ARL2BP: variants seen among roughly 807,000 people sequenced by gnomAD.
ARL2BP encodes ADP-ribosylation factor-like protein 2-binding protein.
ARL2BP carries 19 observed loss-of-function variants against 24.2 expected under a neutral mutation model. The ratio of observed to expected loss-of-function variants is 0.79; its 90% CI spans 0.55 to 1.15. ARL2BP has a LOEUF of 1.15. Among genes scored for constraint, ARL2BP ranks in the 50% most tolerant of loss-of-function variants. The pLI is 0.00. For missense variants in ARL2BP, 160 were observed against 190.4 expected, an observed-to-expected ratio of 0.84 and a Z score of 0.94; for synonymous variants, 56 against 70.5, an observed-to-expected ratio of 0.79 and a Z score of 1.03.
intron 2 of ARL2BP, 181 bp from the exon 3 acceptor site, chr16:57,248,355 AC>A: frequency 2.8e-6 from 1 of 358,144 alleles, no homozygotes; most frequent in Admixed American, 4.8e-5. Flanking sequence ...GAAAAAGAAA[AC>A]AGGAGGATTG....
In ARL2BP at chr16:57,245,496, GGGGCCGGGCC is replaced by G. The variant is rs536362342; in HGVS notation, c.38+106_38+115del. 1,270 of 1,514,536 alleles carry G rather than the reference GGGGCCGGGCC, an allele frequency of 8.4e-4. 13 individuals carry two copies. In the African/African-American group the frequency reaches 0.014, roughly 16 times the overall value. 93.8% of individuals were successfully genotyped at this position (1,514,536 alleles called of 1,614,324 possible). On this transcript the variant is annotated intron_variant, in intron 1 of 5. Coordinates refer to ENST00000219204, the MANE Select transcript of ARL2BP (RefSeq NM_012106.4). ...TGACCCTATAAAACAGGTGTCCTTA[GGGGCCGGGCC>G]GGGCCGGGCCGGGCAGGGTGGGGGC...
At position 57,249,616 on chromosome 16, in the gene ARL2BP, T is replaced by C. The variant is rs1265827735; in HGVS notation, c.208-151T>C. ...GAGTACTTCTCCAGGACAGGAGCTGTGTTTTGGTCCTCTTTGGTATCCTTG... is the reference window on the plus strand; with the variant it reads ...GAGTACTTCTCCAGGACAGGAGCTGCGTTTTGGTCCTCTTTGGTATCCTTG... On this transcript the variant is annotated intron_variant, in intron 3 of 5. Coordinates refer to ENST00000219204, the MANE Select transcript of ARL2BP (RefSeq NM_012106.4). 9 of 638,364 alleles carry C rather than the reference T, an allele frequency of 1.4e-5. No homozygotes were observed. The East Asian group carries it at 2.1e-4, about 15-fold the overall frequency. 39.5% of individuals were successfully genotyped at this position (638,364 alleles called of 1,614,324 possible).
intron 5 of ARL2BP, chr16:57,251,901 G>A (rs2075409360): frequency 2.8e-6 from 1 of 363,426 alleles, no homozygotes; most frequent in East Asian, 5.5e-5. Context: ...GGAATTCCAG[G>A]CAGCAGTTAG....
In ARL2BP at chr16:57,248,613, A is replaced by G; in HGVS notation, c.177A>G (p.Lys59=). The G allele has an allele frequency of 6.9e-6, 11 of 1,593,676 alleles. No homozygotes were observed. The highest frequency in any genetic ancestry group is 8.6e-6 in the Non-Finnish European group (10 of 1,169,334). Residue 59 remains lysine (K), a synonymous_variant, in exon 3 of 6, where the codon AAA becomes AAG. Coordinates refer to ENST00000219204, the MANE Select transcript of ARL2BP (RefSeq NM_012106.4). ...YLEFEDTEEN[K]LIYTPIFNEY... ...AGTTTGAAGACACAGAAGAGAATAA[A>G]CTCATCTACACACCTATTTTTAATG...
chr16:57,249,970 T>C (rs2075402386), intron 4 of ARL2BP, 118 bp downstream of exon 4: 12 of 890,326 alleles, frequency 1.3e-5, no homozygotes, highest in Non-Finnish European at 2.2e-5. Flanking sequence ...GGTGGTTAGG[T>C]CCTATGGAGG....
chr16:57,249,323 A>C (rs1418666323), intron 3 of ARL2BP: 1 of 155,266 alleles, frequency 6.4e-6, no homozygotes, highest in Non-Finnish European at 1.4e-5. Context: ...CTGTCATCTA[A>C]GAATCCATTT....
rs1293111951 is a variant in ARL2BP at position 57,246,087 on chromosome 16, G to T, written c.46G>T (p.Ala16Ser). ...TCCAGGCATGTTTTTCAGCTCCTCC[G>T]CCTCTGATGCAGAATTTGATGCTGT... ...GESFALSFSSASDAEFDAVVG... is the reference protein window; with the variant it reads ...GESFALSFSSSSDAEFDAVVG... Residue 16 changes from alanine (A) to serine (S), a missense_variant, in exon 2 of 6, where the codon GCC (alanine) becomes TCC (serine). Coordinates refer to ENST00000219204, the MANE Select transcript of ARL2BP (RefSeq NM_012106.4). 10 of 1,613,750 alleles carry T rather than the reference G, an allele frequency of 6.2e-6. No homozygotes were observed. In the African/African-American group the frequency reaches 1.3e-4, roughly 22 times the overall value.
chr16:57,249,988 C>A, intron 4 of ARL2BP, 136 bp downstream of exon 4: 1 of 749,424 alleles, frequency 1.3e-6, no homozygotes, highest in Non-Finnish European at 2.3e-6. Flanking sequence ...AGGAAGCCCT[C>A]AAACCTTTTA....
chr16:57,251,762 C>T (rs1253376275), intron 5 of ARL2BP: 1 of 165,382 alleles, frequency 6.0e-6, no homozygotes, highest in Non-Finnish European at 1.3e-5. Flanking sequence ...GAGTTCAAGA[C>T]CAGCCTAAGT....
intron 3 of ARL2BP, chr16:57,249,190 A>T (rs1265628688): frequency 1.3e-5 from 2 of 153,228 alleles, no homozygotes; most frequent in African/African-American, 4.8e-5. Flanking sequence ...GTAAAAGTGA[A>T]AACTGAGACC....
chr16:57,246,845 T>G (rs1480901383), intron 2 of ARL2BP, among the ~76,000 whole-genome samples: 2 of 152,076 alleles, frequency 1.3e-5, no homozygotes, highest in African/African-American at 4.8e-5. Flanking sequence ...ACCATAACCA[T>G]AAGCACACAT....
At chr16:57,245,991 T>A in intron 1 of ARL2BP, 89 bp from the exon 2 acceptor site, 1 of 1,286,218 alleles carries the variant, frequency 7.8e-7, no homozygotes. Context: ...TACTCTTTTT[T>A]CTCTTGTGCA....
chr16:57,247,989 A>T (rs989666547), intron 2 of ARL2BP, among the ~76,000 whole-genome samples: 2 of 148,228 alleles, frequency 1.3e-5, no homozygotes, highest in African/African-American at 5.2e-5. Flanking sequence ...TTAAAATGAT[A>T]AAAAAAAATT....
At chr16:57,246,350 T>G (rs2075390413) in intron 2 of ARL2BP, 2 of 562,896 alleles carry the variant, frequency 3.6e-6, no homozygotes, top group Non-Finnish European at 6.3e-6. Flanking sequence ...AAGCATAGAT[T>G]CAGAGGCTGG....
At chr16:57,249,946 C>A in intron 4 of ARL2BP, 94 bp downstream of exon 4, 1 of 1,157,958 alleles carries the variant, frequency 8.6e-7, no homozygotes, top group Admixed American at 1.8e-5. Flanking sequence ...GTTTGTTTTC[C>A]TGTGCATGCC....
chr16:57,251,590 CA>C (rs112435742), intron 5 of ARL2BP: 1,395 of 105,124 alleles, frequency 0.013, 11 homozygotes, highest in African/African-American at 0.032. Flanking sequence ...ACCCCTATCT[CA>C]AAAAAAAAAA....
intron 2 of ARL2BP, 118 bp from the exon 3 acceptor site, chr16:57,248,419 C>T: frequency 2.0e-6 from 1 of 508,210 alleles, no homozygotes; most frequent in South Asian, 4.5e-5. Flanking sequence ...CATCAGCTTT[C>T]CTTCCAGAGA....
chr16:57,245,479 T>C, intron 1 of ARL2BP, 74 bp downstream of exon 1: 2 of 1,561,388 alleles, frequency 1.3e-6, no homozygotes, highest in South Asian at 2.3e-5. Flanking sequence ...CCTGACCCTA[T>C]AAAACAGGTG....
chr16:57,245,664 C>CA (rs2075388015), intron 1 of ARL2BP, among the ~76,000 whole-genome samples: 1 of 152,164 alleles, frequency 6.6e-6, no homozygotes, highest in Admixed American at 6.5e-5. Context: ...CCCCAGCCGC[C>CA]AACCCTCAGC....
Sources: allele counts gnomAD v4.1 joint callset (sites outside exome capture counted in the v4.1 genomes callset), GRCh38; gene constraint gnomAD v4.1.1; transcripts MANE v1.5; gene names NCBI Gene and HGNC (gene_info 2026-07-23, HGNC 2026-07-21).